SBF2: variants seen among roughly 807,000 people sequenced by gnomAD.
SBF2 encodes the protein SET binding factor 2.
A neutral mutation model predicts 225.2 loss-of-function variants in SBF2; 112 were observed. The observed-to-expected ratio is 0.50, with a 90% confidence interval of 0.43 to 0.58. The LOEUF is 0.58. Among genes scored for constraint, SBF2 ranks in the 20% least tolerant of loss-of-function variants. The pLI is 0.00. For missense variants in SBF2, 1,996 were observed against 2,206.2 expected (o/e 0.90, Z 1.91); for synonymous variants, 763 against 773.3 (o/e 0.99, Z 0.22).
chr11:10,144,175 C>T (rs1346075951), intron 2 of SBF2, among the ~76,000 whole-genome samples: 5 of 152,214 alleles, frequency 3.3e-5, no homozygotes, highest in Admixed American at 6.5e-5. Context: ...TAATTTTTAG[C>T]GCCCTATTTA....
chr11:9,967,116 A>G (rs1473954654), intron 14 of SBF2, among the ~76,000 whole-genome samples: 1 of 152,252 alleles, frequency 6.6e-6, no homozygotes, highest in Non-Finnish European at 1.5e-5. Context: ...TCACGCCTGT[A>G]ATCCCAGGAC....
At chr11:9,938,270 G>C (rs541879578) in intron 16 of SBF2, among the ~76,000 whole-genome samples, 1 of 149,734 alleles carries the variant, frequency 6.7e-6, no homozygotes, top group Admixed American at 6.7e-5. Flanking sequence ...CAGCCTGGGC[G>C]ACACAGCGAG....
At chr11:10,111,885 C>CA (rs945382427) in intron 2 of SBF2, among the ~76,000 whole-genome samples, 4 of 151,670 alleles carry the variant, frequency 2.6e-5, no homozygotes, top group Admixed American at 1.3e-4. Flanking sequence ...TCAAAAAAAC[C>CA]AAAAAAAATT....
chr11:9,954,583 T>G (rs1866043105), intron 16 of SBF2, among the ~76,000 whole-genome samples: 1 of 152,168 alleles, frequency 6.6e-6, no homozygotes, highest in South Asian at 2.1e-4. Context: ...TATGTATACA[T>G]GAAATAGTGA....
chr11:10,148,338 C>G (rs1380306161), intron 2 of SBF2, among the ~76,000 whole-genome samples: 1 of 152,090 alleles, frequency 6.6e-6, no homozygotes, highest in Non-Finnish European at 1.5e-5. Flanking sequence ...GCAAACCCTA[C>G]ATTTGCCTCG....
intron 2 of SBF2, among the ~76,000 whole-genome samples, chr11:10,154,929 T>C (rs1955396545): frequency 6.6e-6 from 1 of 152,148 alleles, no homozygotes; most frequent in Non-Finnish European, 1.5e-5. Context: ...CAAACTAAAT[T>C]CAGAAACTGA....
intron 16 of SBF2, among the ~76,000 whole-genome samples, chr11:9,897,013 G>C (rs1182540831): frequency 6.6e-6 from 1 of 151,910 alleles, no homozygotes; most frequent in Non-Finnish European, 1.5e-5. Flanking sequence ...TCTTCTTCTG[G>C]GCATATACCC....
chr11:10,029,155 C>T (rs1180738088), intron 5 of SBF2, among the ~76,000 whole-genome samples: 1 of 152,050 alleles, frequency 6.6e-6, no homozygotes, highest in African/African-American at 2.4e-5. Flanking sequence ...AAATTATCAC[C>T]TATTCATTTT....
chr11:10,194,930 T>C (rs1225958580), intron 1 of SBF2, among the ~76,000 whole-genome samples: 1 of 152,168 alleles, frequency 6.6e-6, no homozygotes, highest in Admixed American at 6.5e-5. Context: ...ATAAGGAAAT[T>C]AATCCCAAAT....
chr11:10,195,437 T>C lies in SBF2; in HGVS notation c.56-1450A>G, dbSNP rs144504640. On this transcript the variant is annotated intron_variant, in intron 1 of 39. Coordinates refer to ENST00000256190, the MANE Select transcript of SBF2 (RefSeq NM_030962.4). Reference sequence around the variant, plus strand: ...AAATCTAAACTAATTCTTGCTATAGTTTTTTAAGATCTTCATGTTCCTTGC... The same window carrying C: ...AAATCTAAACTAATTCTTGCTATAGCTTTTTAAGATCTTCATGTTCCTTGC... Among the ~76,000 whole-genome samples the C allele has an allele frequency of 2.6e-4, 40 of 152,298 alleles. 1 individual carries two copies. In the East Asian group the frequency reaches 3.8e-3, roughly 15 times the overall value.
At chr11:10,223,429 ATATAT>A (rs991527430) in intron 1 of SBF2, among the ~76,000 whole-genome samples, 2 of 124,016 alleles carry the variant, frequency 1.6e-5, no homozygotes, top group African/African-American at 5.7e-5. Flanking sequence ...ATATATATAT[ATATAT>A]ATATATATAG....
At position 10,189,653 on chromosome 11, in the gene SBF2, C is replaced by T. The variant is rs984970193; in HGVS notation, c.141+4249G>A. ...ATAATTTAAATAACAGAACCAATTTCGTAAGAACATTAAAGTTAGAAATTC... is the reference window on the plus strand; with the variant it reads ...ATAATTTAAATAACAGAACCAATTTTGTAAGAACATTAAAGTTAGAAATTC... On this transcript the variant is annotated intron_variant, in intron 2 of 39. Coordinates refer to ENST00000256190, the MANE Select transcript of SBF2 (RefSeq NM_030962.4). Among the ~76,000 whole-genome samples, 22 of 152,100 alleles carry T rather than the reference C, an allele frequency of 1.4e-4. 1 individual carries two copies. The highest frequency in any genetic ancestry group is 4.4e-5 in the Non-Finnish European group (3 of 68,012).
At chr11:9,954,573 T>C (rs756233438) in intron 16 of SBF2, among the ~76,000 whole-genome samples, 89 of 152,232 alleles carry the variant, frequency 5.8e-4, no homozygotes, top group Admixed American at 3.1e-3. Flanking sequence ...GATCTCTTTT[T>C]ATGTATACAT....
At chr11:10,114,210 A>C (rs894510757) in intron 2 of SBF2, among the ~76,000 whole-genome samples, 2 of 152,228 alleles carry the variant, frequency 1.3e-5, no homozygotes, top group African/African-American at 4.8e-5. Flanking sequence ...CATGCCTGAG[A>C]TATAACATAA....
At chr11:10,213,596 T>C (rs907105588) in intron 1 of SBF2, among the ~76,000 whole-genome samples, 1 of 152,202 alleles carries the variant, frequency 6.6e-6, no homozygotes, top group African/African-American at 2.4e-5. Flanking sequence ...TTGTCTTTCA[T>C]CATGAAGTTA....
intron 13 of SBF2, among the ~76,000 whole-genome samples, chr11:9,979,726 T>C (rs938449710): frequency 1.3e-5 from 2 of 152,178 alleles, no homozygotes; most frequent in Non-Finnish European, 2.9e-5. Flanking sequence ...ATATTGCTTC[T>C]TAGTAAAGAA....
In SBF2 at chr11:10,236,366, G is replaced by A. The variant is rs1369628039; in HGVS notation, c.56-42379C>T. ...AGTCCCAGCTACTCAAGAGATTGAC[G>A]GTGGGAGAACCACTTGGCTGCAGGA... On this transcript the variant is annotated intron_variant, in intron 1 of 39. Coordinates refer to ENST00000256190, the MANE Select transcript of SBF2 (RefSeq NM_030962.4). 1.1e-4 allele frequency among the ~76,000 whole-genome samples: 16 copies of A among 152,226 alleles called. No individual in the cohort carries two copies. The South Asian group carries it at 1.5e-3, about 14-fold the overall frequency.
intron 2 of SBF2, among the ~76,000 whole-genome samples, chr11:10,163,054 G>A (rs752788886): frequency 2.0e-5 from 3 of 152,164 alleles, no homozygotes; most frequent in East Asian, 1.9e-4. Flanking sequence ...AAGTCCAAAG[G>A]ACTAGATAAA....
intron 17 of SBF2, among the ~76,000 whole-genome samples, chr11:9,877,097 G>C (rs1176048636): frequency 6.6e-6 from 1 of 152,030 alleles, no homozygotes; most frequent in African/African-American, 2.4e-5. Context: ...TTACATTTAG[G>C]ACAGTTTTTT....
Sources: allele counts gnomAD v4.1 joint callset (sites outside exome capture counted in the v4.1 genomes callset), GRCh38; gene constraint gnomAD v4.1.1; transcripts MANE v1.5; gene names NCBI Gene and HGNC (gene_info 2026-07-23, HGNC 2026-07-21).